Variants in CCDC174 observed in about 807,000 individuals in gnomAD.
CCDC174 encodes coiled-coil domain-containing protein 174.
In CCDC174, 37 loss-of-function variants were observed where a neutral mutation model predicts 57.1. The observed-to-expected ratio is 0.65, with a 90% confidence interval of 0.50 to 0.85. The LOEUF is 0.85. Ranked by LOEUF, CCDC174 falls within the 40% of genes least tolerant of loss-of-function variation. CCDC174 has a pLI of 0.00. For missense variants in CCDC174, 540 were observed against 574.3 expected, an observed-to-expected ratio of 0.94 and a Z score of 0.61; for synonymous variants, 182 against 190.2, an observed-to-expected ratio of 0.96 and a Z score of 0.35.
intron 1 of CCDC174, among the ~76,000 whole-genome samples, chr3:14,653,050 A>G (rs1025003655): frequency 6.6e-6 from 1 of 152,190 alleles, no homozygotes; most frequent in African/African-American, 2.4e-5. Flanking sequence ...ATTAGGACAC[A>G]AAGTGAGTAG....
intron 5 of CCDC174, among the ~76,000 whole-genome samples, chr3:14,662,930 T>G (rs2031198514): frequency 6.6e-6 from 1 of 152,228 alleles, no homozygotes; most frequent in Non-Finnish European, 1.5e-5. Context: ...CTTAAAAACT[T>G]AGATCTAAAT....
chr3:14,670,123 A>G lies in CCDC174; in HGVS notation c.1105+37A>G, dbSNP rs528726589. On this transcript the variant is annotated intron_variant, in intron 10 of 10. Transcript: ENST00000383794. ...GGGCTCTGAGGTGTAAGAACTCTCC[A>G]GTGAATGGAAAATGGTTTTTTTTCT... 8.3e-6 allele frequency: 13 copies of G among 1,570,634 alleles called. No homozygotes were observed. In the Admixed American group the frequency reaches 1.1e-4, roughly 13 times the overall value.
intron 4 of CCDC174, among the ~76,000 whole-genome samples, chr3:14,659,266 A>G (rs1460565283): frequency 1.4e-5 from 2 of 144,804 alleles, no homozygotes; most frequent in African/African-American, 5.0e-5. Flanking sequence ...ACCTACAATT[A>G]CAGCTGTGCT....
At position 14,654,520 on chromosome 3, in the gene CCDC174, CAACT is replaced by C. The variant is rs770313160; in HGVS notation, c.141_144del (p.Asn48ArgfsTer11). On this transcript the variant is annotated frameshift_variant, in exon 2 of 11. Transcript: ENST00000383794. LOFTEE classifies it high-confidence loss of function. ...TCTGGAGTTTTTGGAAAACCAAAAA[CAACT>C]AACAAGGTAAAAAATAAGATCTAAT... 2 of 1,489,484 alleles carry C rather than the reference CAACT, an allele frequency of 1.3e-6. No individual in the cohort carries two copies. The highest frequency in any genetic ancestry group is 1.9e-6 in the Non-Finnish European group (2 of 1,075,528). The allele number at this position is 1,489,484 out of a possible 1,614,324, so 92.3% of individuals were successfully genotyped here.
At position 14,669,918 on chromosome 3, in the gene CCDC174, C is replaced by A; in HGVS notation, c.953-16C>A. 1 of 1,612,898 alleles carries A rather than the reference C, an allele frequency of 6.2e-7. No individual in the cohort carries two copies. Among genetic ancestry groups the A allele is most frequent in the Non-Finnish European group, 8.5e-7 (1 of 1,179,490 alleles). Reference sequence around the variant, plus strand: ...GGCTTTTTTATAACAGTGTCTTATTCTTTTACAAAAAATAGATGGAGATGT... The same window carrying A: ...GGCTTTTTTATAACAGTGTCTTATTATTTTACAAAAAATAGATGGAGATGT... On this transcript the variant is annotated splice_polypyrimidine_tract_variant and intron_variant, in intron 9 of 10. Coordinates refer to ENST00000383794, the MANE Select transcript of CCDC174 (RefSeq NM_016474.5).
At chr3:14,665,258 GATT>G (rs1243859072) in intron 6 of CCDC174, 135 bp downstream of exon 6, 80 of 682,036 alleles carry the variant, frequency 1.2e-4, no homozygotes, top group Admixed American at 1.0e-3. Flanking sequence ...TTGATTGATT[GATT>G]GAAGCACTTT....
At position 14,671,746 on chromosome 3, in the gene CCDC174, G is replaced by A. The variant is rs1191803955; in HGVS notation, c.*552G>A. Reference sequence around the variant, plus strand: ...GGAGGAGCTCTTCGTAGTCCAGAAAGGTAGAAGTGGGAGTTGTTTACTTAA... The same window carrying A: ...GGAGGAGCTCTTCGTAGTCCAGAAAAGTAGAAGTGGGAGTTGTTTACTTAA... On this transcript the variant is annotated 3_prime_UTR_variant, in exon 11 of 11. Coordinates refer to ENST00000383794, the MANE Select transcript of CCDC174 (RefSeq NM_016474.5). 1 of 152,864 alleles carries A rather than the reference G, an allele frequency of 6.5e-6. No homozygotes were observed. The highest frequency in any genetic ancestry group is 1.5e-5 in the Non-Finnish European group (1 of 68,578). The allele number at this position is 152,864 out of a possible 1,614,324, so 9.5% of individuals were successfully genotyped here. A position where few individuals can be genotyped will look rare whatever the true frequency, so the allele number is the denominator to read the frequency against.
In CCDC174 at chr3:14,671,513, C is replaced by T; in HGVS notation, c.*319C>T. The T allele has an allele frequency of 4.1e-6, 1 of 243,294 alleles. No individual in the cohort carries two copies. The highest frequency in any genetic ancestry group is 7.8e-6 in the Non-Finnish European group (1 of 127,648). 15.1% of individuals were successfully genotyped at this position (243,294 alleles called of 1,614,324 possible). On this transcript the variant is annotated 3_prime_UTR_variant, in exon 11 of 11. Coordinates refer to ENST00000383794, the MANE Select transcript of CCDC174 (RefSeq NM_016474.5). ...TTCATATCTACTCCCACGACTTACT[C>T]ATATTTAAGGGTTCTTTTCCATTCC...
In CCDC174 at chr3:14,670,104, T is replaced by G. The variant is rs760626350; in HGVS notation, c.1105+18T>G. ...CGGAAAAGGTAAGGGAGGTGGGCTC[T>G]GAGGTGTAAGAACTCTCCAGTGAAT... On this transcript the variant is annotated intron_variant, in intron 10 of 10. Coordinates refer to ENST00000383794, the MANE Select transcript of CCDC174 (RefSeq NM_016474.5). 8 of 1,593,624 alleles carry G rather than the reference T, an allele frequency of 5.0e-6. No homozygotes were observed. Among genetic ancestry groups the G allele is most frequent in the Non-Finnish European group, 6.0e-6 (7 of 1,174,874 alleles).
intron 6 of CCDC174, among the ~76,000 whole-genome samples, chr3:14,665,891 A>G (rs1265489034): frequency 6.6e-6 from 1 of 151,116 alleles, no homozygotes; most frequent in Non-Finnish European, 1.5e-5. Flanking sequence ...AAAAAAAATT[A>G]GCCAGGTGTG....
chr3:14,668,409 G>A (rs903447166), intron 9 of CCDC174, among the ~76,000 whole-genome samples: 9 of 152,324 alleles, frequency 5.9e-5, no homozygotes, highest in African/African-American at 1.7e-4. Flanking sequence ...ACATTGTGTT[G>A]CATCTTAGAA....
chr3:14,660,894 T>C (rs1429675705), intron 4 of CCDC174, among the ~76,000 whole-genome samples: 1 of 152,234 alleles, frequency 6.6e-6, no homozygotes, highest in Non-Finnish European at 1.5e-5. Flanking sequence ...AAGTCATGGA[T>C]TGTTGTTTAA....
intron 5 of CCDC174, among the ~76,000 whole-genome samples, chr3:14,664,278 A>G (rs1348846852): frequency 6.6e-6 from 1 of 152,236 alleles, no homozygotes; most frequent in Non-Finnish European, 1.5e-5. Flanking sequence ...CTTACTGTGT[A>G]TTCGGTACCC....
chr3:14,670,153 G>A, intron 10 of CCDC174, 67 bp downstream of exon 10: 1 of 1,504,176 alleles, frequency 6.6e-7, no homozygotes, highest in South Asian at 1.2e-5. Flanking sequence ...TTTTCTAGAA[G>A]CACTTGGGGT....
intron 4 of CCDC174, among the ~76,000 whole-genome samples, chr3:14,660,802 T>C (rs1460173612): frequency 6.6e-6 from 1 of 152,274 alleles, no homozygotes; most frequent in Admixed American, 6.5e-5. Flanking sequence ...AAGACTCAAA[T>C]GACTGTGTCC....
At chr3:14,652,417 A>G (rs1203745835) in intron 1 of CCDC174, among the ~76,000 whole-genome samples, 1 of 152,192 alleles carries the variant, frequency 6.6e-6, no homozygotes, top group Non-Finnish European at 1.5e-5. Flanking sequence ...ATGTAAGCAG[A>G]TTTATTACAT....
intron 6 of CCDC174, among the ~76,000 whole-genome samples, chr3:14,665,655 A>T (rs2031308856): frequency 6.6e-6 from 1 of 152,184 alleles, no homozygotes; most frequent in African/African-American, 2.4e-5. Flanking sequence ...CTTTTATGTG[A>T]AAAGTGTTGG....
At chr3:14,657,871 T>G (rs2124833995) in intron 3 of CCDC174, among the ~76,000 whole-genome samples, 1 of 152,366 alleles carries the variant, frequency 6.6e-6, no homozygotes, top group African/African-American at 2.4e-5. Flanking sequence ...CTCTCTCAGT[T>G]AGTGTCCTGC....
At chr3:14,662,129 G>A (rs2031160632) in intron 5 of CCDC174, among the ~76,000 whole-genome samples, 2 of 152,158 alleles carry the variant, frequency 1.3e-5, no homozygotes, top group South Asian at 2.1e-4. Context: ...GAAGGAAGCC[G>A]GCAGAGGTGG....
Sources: allele counts gnomAD v4.1 joint callset (sites outside exome capture counted in the v4.1 genomes callset), GRCh38; gene constraint gnomAD v4.1.1; transcripts MANE v1.5; gene names NCBI Gene and HGNC (gene_info 2026-07-23, HGNC 2026-07-21).